SV2B: variants seen among roughly 807,000 people sequenced by gnomAD.
SV2B encodes the protein synaptic vesicle glycoprotein 2B.
In SV2B, 41 loss-of-function variants were observed where a neutral mutation model predicts 73.9. The ratio of observed to expected loss-of-function variants is 0.56; its 90% CI spans 0.43 to 0.72. The LOEUF (loss-of-function observed/expected upper bound fraction) is 0.72, where lower values mean the gene tolerates loss of function less well. SV2B is among the 30% of genes least tolerant of loss of function. SV2B has a pLI of 0.00. For missense variants in SV2B, 764 were observed against 857.8 expected, an observed-to-expected ratio of 0.89 and a Z score of 1.37; for synonymous variants, 314 against 314.2, an observed-to-expected ratio of 1.00 and a Z score of 0.01.
chr15:91,228,980 A>G (rs1349926008), intron 2 of SV2B, among the ~76,000 whole-genome samples: 1 of 152,214 alleles, frequency 6.6e-6, no homozygotes, highest in East Asian at 1.9e-4. Context: ...AGTTTTATCT[A>G]AGGTCACATA....
chr15:91,107,794 A>T (rs2041930547), intron 1 of SV2B, among the ~76,000 whole-genome samples: 1 of 152,000 alleles, frequency 6.6e-6, no homozygotes, highest in South Asian at 2.1e-4. Flanking sequence ...ATTTTTTTGT[A>T]GAGGTGGGAT....
Position 91,242,534 on chromosome 15 carries a change from T to C in SV2B, c.452-9285T>C, listed in dbSNP as rs1366308819. On this transcript the variant is annotated intron_variant, in intron 2 of 12. Transcript: ENST00000394232. This position sits in a 1 kb window ranked among gnomAD's most constrained non-coding sequence, Gnocchi z 4.9. Reference sequence around the variant, plus strand: ...GATGGATGGTCAGGGAAGGCCTCTTTGAGATTTCGCCTGAAATATGAGAAG... The same window carrying C: ...GATGGATGGTCAGGGAAGGCCTCTTCGAGATTTCGCCTGAAATATGAGAAG... Among the ~76,000 whole-genome samples, 2 of 152,100 alleles carry C rather than the reference T, an allele frequency of 1.3e-5. No individual in the cohort carries two copies. Among genetic ancestry groups the C allele is most frequent in the African/African-American group, 4.8e-5 (2 of 41,404 alleles).
intron 4 of SV2B, among the ~76,000 whole-genome samples, chr15:91,257,006 A>G (rs570915239): frequency 1.1e-3 from 166 of 152,362 alleles, no homozygotes; most frequent in African/African-American, 3.9e-3. Flanking sequence ...TCTAAACTTT[A>G]TAAATTGATA....
At chr15:91,178,631 G>C (rs573758731) in intron 1 of SV2B, among the ~76,000 whole-genome samples, 1 of 151,928 alleles carries the variant, frequency 6.6e-6, no homozygotes, top group Admixed American at 6.6e-5. Flanking sequence ...GAGAGTGTGT[G>C]TGTCGAGAAA....
Position 91,136,230 on chromosome 15 carries a change from T to C in SV2B, c.-392+35867T>C, listed in dbSNP as rs2042820233. Among the ~76,000 whole-genome samples the C allele has an allele frequency of 6.6e-6, 1 of 152,140 alleles. No homozygotes were observed. Among genetic ancestry groups the C allele is most frequent in the African/African-American group, 2.4e-5 (1 of 41,424 alleles). On this transcript the variant is annotated intron_variant, in intron 1 of 12. Coordinates refer to ENST00000394232, the MANE Select transcript of SV2B (RefSeq NM_001323032.3). The surrounding 1 kb of genome is among the most constrained non-coding windows in gnomAD (Gnocchi z 5.6). ...CTGGAGAGAACTTAGCAGGATGCCA[T>C]TCAGGTGGGCATACTCAGATGCAGT...
intron 1 of SV2B, among the ~76,000 whole-genome samples, chr15:91,205,899 A>G (rs760843568): frequency 6.6e-6 from 1 of 152,208 alleles, no homozygotes; most frequent in Non-Finnish European, 1.5e-5. Flanking sequence ...TGGAGGAGAA[A>G]AACAGCTGTG....
rs1045736225 is a variant in SV2B, at chr15:91,132,246, C to A, written c.-392+31883C>A. Reference sequence around the variant, plus strand: ...CCCTCTAGAAGTTTCCCATTGGCTGCTTCATGCTCACCTCATGTAAATGAA... The same window carrying A: ...CCCTCTAGAAGTTTCCCATTGGCTGATTCATGCTCACCTCATGTAAATGAA... On this transcript the variant is annotated intron_variant, in intron 1 of 12. Coordinates refer to ENST00000394232, the MANE Select transcript of SV2B (RefSeq NM_001323032.3). The surrounding 1 kb of genome is among the most constrained non-coding windows in gnomAD (Gnocchi z 4.6). Among the ~76,000 whole-genome samples the A allele has an allele frequency of 1.3e-5, 2 of 152,236 alleles. No individual in the cohort carries two copies. Among genetic ancestry groups the A allele is most frequent in the African/African-American group, 4.8e-5 (2 of 41,460 alleles).
At chr15:91,206,824 G>A (rs2045658479) in intron 1 of SV2B, among the ~76,000 whole-genome samples, 1 of 152,092 alleles carries the variant, frequency 6.6e-6, no homozygotes, top group African/African-American at 2.4e-5. Context: ...GTTTAGGAGG[G>A]GAAATGTGTC....
chr15:91,260,627 G>A (rs8038914), intron 6 of SV2B, among the ~76,000 whole-genome samples: 10,143 of 152,178 alleles, frequency 0.067, 587 homozygotes, highest in African/African-American at 0.16. Context: ...GGTGCCAGGT[G>A]CGGTGGCTCA....
chr15:91,270,688 T>A (rs750330311), intron 9 of SV2B, among the ~76,000 whole-genome samples: 2 of 152,236 alleles, frequency 1.3e-5, no homozygotes, highest in African/African-American at 4.8e-5. Flanking sequence ...TCTGTCATTT[T>A]AACTTTGCTC....
At position 91,130,959 on chromosome 15, in the gene SV2B, G is replaced by A. The variant is rs1475549352; in HGVS notation, c.-392+30596G>A. Among the ~76,000 whole-genome samples the A allele has an allele frequency of 6.6e-6, 1 of 151,980 alleles. No homozygotes were observed. The highest frequency in any genetic ancestry group is 1.5e-5 in the Non-Finnish European group (1 of 68,000). On this transcript the variant is annotated intron_variant, in intron 1 of 12. Transcript: ENST00000394232. This position sits in a 1 kb window ranked among gnomAD's most constrained non-coding sequence, Gnocchi z 5.6. ...TGGATCCAAGTTCAGGAACACATGG[G>A]AGGGTGTGGGGCTGAGAGCAGTCGG... is the stretch of plus-strand genomic sequence containing the variant.
intron 1 of SV2B, among the ~76,000 whole-genome samples, chr15:91,127,479 C>T (rs538599202): frequency 2.0e-5 from 3 of 152,152 alleles, no homozygotes; most frequent in Admixed American, 6.5e-5. Flanking sequence ...CGGCACTGTC[C>T]GGCCGCTCTT....
At chr15:91,158,633 C>CTCTT (rs2043573415) in intron 1 of SV2B, among the ~76,000 whole-genome samples, 1 of 54,414 alleles carries the variant, frequency 1.8e-5, no homozygotes, top group African/African-American at 6.9e-5. Flanking sequence ...TTTTATTTTC[C>CTCTT]CTCTTCTCTT....
At chr15:91,157,038 A>G (rs941651353) in intron 1 of SV2B, among the ~76,000 whole-genome samples, 2 of 152,220 alleles carry the variant, frequency 1.3e-5, no homozygotes, top group African/African-American at 4.8e-5. Flanking sequence ...CTGTAGACTA[A>G]GTCAGTCAGG....
intron 1 of SV2B, among the ~76,000 whole-genome samples, chr15:91,103,866 A>G (rs2041806296): frequency 6.6e-6 from 1 of 152,168 alleles, no homozygotes; most frequent in African/African-American, 2.4e-5. Context: ...GCTGCCTCAG[A>G]AACCTGATCT....
chr15:91,176,859 G>C (rs1347884761), intron 1 of SV2B, among the ~76,000 whole-genome samples: 1 of 151,928 alleles, frequency 6.6e-6, no homozygotes, highest in African/African-American at 2.4e-5. Context: ...CACTCTGATG[G>C]TAGTTTCTTT....
At chr15:91,156,927 A>G (rs2043510844) in intron 1 of SV2B, among the ~76,000 whole-genome samples, 1 of 152,218 alleles carries the variant, frequency 6.6e-6, no homozygotes, top group Non-Finnish European at 1.5e-5. Flanking sequence ...GTGTCGGGAC[A>G]GATGCTTTAT....
Position 91,280,689 on chromosome 15 carries a change from A to G in SV2B, c.1374-1039A>G, listed in dbSNP as rs991812386. On this transcript the variant is annotated intron_variant, in intron 9 of 12. Coordinates refer to ENST00000394232, the MANE Select transcript of SV2B (RefSeq NM_001323032.3). The surrounding 1 kb of genome is among the most constrained non-coding windows in gnomAD (Gnocchi z 5.8). ...GAGTTGGAGAGGTGCAGTGACTCCC[A>G]CATGTGGCTGCGCCTCAGAATCGTC... is the stretch of plus-strand genomic sequence containing the variant. Among the ~76,000 whole-genome samples, 3 of 152,224 alleles carry G rather than the reference A, an allele frequency of 2.0e-5. No homozygotes were observed. The highest frequency in any genetic ancestry group is 6.5e-5 in the Admixed American group (1 of 15,284).
At chr15:91,246,562 C>A (rs1349411560) in intron 2 of SV2B, among the ~76,000 whole-genome samples, 2 of 152,166 alleles carry the variant, frequency 1.3e-5, no homozygotes, top group African/African-American at 4.8e-5. Flanking sequence ...GACCATGGCC[C>A]AGATGTCTCA....
Sources: gnomAD v4.1 joint callset for allele counts (sites outside exome capture counted in the v4.1 genomes callset) on GRCh38, gnomAD v4.1.1 for gene constraint, Gnocchi (gnomAD v3.1) non-coding constraint, MANE v1.5 for transcripts, NCBI Gene and HGNC (gene_info 2026-07-23, HGNC 2026-07-21) for gene names.